CTBP1: variants seen among roughly 807,000 people sequenced by gnomAD.
CTBP1 encodes the protein C-terminal-binding protein 1.
A neutral mutation model predicts 42.1 loss-of-function variants in CTBP1; 11 were observed. The observed-to-expected ratio is 0.26, with a 90% CI of 0.16 to 0.43. The LOEUF (loss-of-function observed/expected upper bound fraction) is 0.43, where lower values mean the gene tolerates loss of function less well. Among genes scored for constraint, CTBP1 ranks in the 20% least tolerant of loss-of-function variants. The pLI, the probability that CTBP1 is intolerant of heterozygous loss-of-function variation, is 1.00. For synonymous variants in CTBP1, 324 were observed against 277.1 expected (o/e 1.17, Z -1.68); for missense variants, 399 against 624.3 (o/e 0.64, Z 3.85).
intron 1 of CTBP1, 58 bp from the exon 2 acceptor site, chr4:1,241,577 A>C: frequency 6.6e-7 from 1 of 1,505,984 alleles, no homozygotes; most frequent in Non-Finnish European, 8.9e-7. Context: ...ACCAGAACTC[A>C]CAGACTCCAG....
chr4:1,223,571 C>A (rs1027566088), intron 5 of CTBP1: 2 of 447,060 alleles, frequency 4.5e-6, no homozygotes, highest in African/African-American at 2.0e-5. Context: ...CATGGCAAGG[C>A]CCTTGCATCC....
chr4:1,214,022 G>A (rs1163492762), intron 7 of CTBP1: 6 of 428,230 alleles, frequency 1.4e-5, no homozygotes, highest in Middle Eastern at 5.9e-4. Flanking sequence ...AGGTCTGGAC[G>A]GGATGCCATG....
At position 1,212,084 on chromosome 4, in the gene CTBP1, G is replaced by T; in HGVS notation, c.*156C>A. 1 of 535,246 alleles carries T rather than the reference G, an allele frequency of 1.9e-6. No individual in the cohort carries two copies. The highest frequency in any genetic ancestry group is 3.0e-6 in the Non-Finnish European group (1 of 331,760). The allele number at this position is 535,246 out of a possible 1,614,324, so 33.2% of individuals were successfully genotyped here. A position where few individuals can be genotyped will look rare whatever the true frequency, so the allele number is the denominator to read the frequency against. ...GCCCACAGGACGGACGACGACAAGC[G>T]ACACGAGGCCCAGCGCTGCCCCCTC... On this transcript the variant is annotated 3_prime_UTR_variant, in exon 10 of 10. Transcript: ENST00000382952.
chr4:1,240,880 G>A (rs947221562), intron 2 of CTBP1, among the ~76,000 whole-genome samples: 4 of 152,194 alleles, frequency 2.6e-5, no homozygotes, highest in Non-Finnish European at 4.4e-5. Context: ...CAAGCCCAAG[G>A]CTGTTTCCGA....
chr4:1,240,008 C>T (rs1478497436), intron 2 of CTBP1, among the ~76,000 whole-genome samples: 2 of 152,238 alleles, frequency 1.3e-5, no homozygotes. Flanking sequence ...GTTTATGTTG[C>T]TGTTTCTGAG....
chr4:1,244,918 C>T (rs1732561459), intron 1 of CTBP1: 3 of 985,334 alleles, frequency 3.0e-6, no homozygotes, highest in African/African-American at 1.7e-5. Flanking sequence ...CGGAGCCTTC[C>T]AGTCCTGAGA....
chr4:1,238,045 C>T lies in CTBP1; in HGVS notation c.162+138G>A, dbSNP rs755451087. 3.7e-5 allele frequency: 43 copies of T among 1,150,242 alleles called. 1 individual carries two copies. Among genetic ancestry groups the T allele is most frequent in the South Asian group, 2.8e-4 (23 of 81,388 alleles). The allele number at this position is 1,150,242 out of a possible 1,614,324, so 71.3% of individuals were successfully genotyped here. On this transcript the variant is annotated intron_variant, in intron 3 of 9. Coordinates refer to ENST00000382952, the MANE Select transcript of CTBP1 (RefSeq NM_001012614.2). This position sits in a 1 kb window ranked among gnomAD's most constrained non-coding sequence, Gnocchi z 5.9. The stretch of plus-strand genomic sequence containing the variant: ...AAACCCCGTGTCCACCTCCTGACGG[C>T]GCGGGACGACTGGGACAGAGGCTGC...
chr4:1,227,185 C>T (rs149863509), intron 4 of CTBP1, among the ~76,000 whole-genome samples: 125 of 149,252 alleles, frequency 8.4e-4, no homozygotes, highest in African/African-American at 2.8e-3. Flanking sequence ...CGGGTGCAGA[C>T]GTGCGTGTTC....
At chr4:1,220,707 A>T (rs1179759684) in intron 5 of CTBP1, among the ~76,000 whole-genome samples, 1 of 152,252 alleles carries the variant, frequency 6.6e-6, no homozygotes, top group Non-Finnish European at 1.5e-5. Context: ...CATGTGGCCA[A>T]CTGCCTTTCC....
chr4:1,245,071 G>A (rs3775094), intron 1 of CTBP1: 450,731 of 984,754 alleles, frequency 0.46, 104,064 homozygotes, highest in South Asian at 0.48. Context: ...AGACAGACAA[G>A]GCCCGTCACC....
intron 4 of CTBP1, 101 bp downstream of exon 4, chr4:1,228,098 G>C: frequency 4.7e-6 from 7 of 1,502,692 alleles, no homozygotes; most frequent in Non-Finnish European, 5.4e-6. Flanking sequence ...CAGGCAATGT[G>C]CAACGGGGTC....
chr4:1,237,949 A>G, intron 3 of CTBP1: 1 of 671,562 alleles, frequency 1.5e-6, no homozygotes, highest in Non-Finnish European at 2.7e-6. Context: ...GGGCACAGGG[A>G]AAACCCCGTG....
intron 2 of CTBP1, among the ~76,000 whole-genome samples, chr4:1,240,917 G>A (rs73793162): frequency 0.031 from 4,782 of 152,256 alleles, 259 homozygotes; most frequent in African/African-American, 0.11. Flanking sequence ...GCCAGAGAGC[G>A]CAGACCAACC....
At chr4:1,243,107 A>C (rs2108799795) in intron 1 of CTBP1, 1 of 985,450 alleles carries the variant, frequency 1.0e-6, no homozygotes, top group Middle Eastern at 5.2e-4. Flanking sequence ...ACGGTGGCCC[A>C]GTACCGGCTG....
At chr4:1,216,906 G>C (rs1729185622) in intron 5 of CTBP1, 1 of 153,922 alleles carries the variant, frequency 6.5e-6, no homozygotes, top group African/African-American at 2.4e-5. Flanking sequence ...TGGCTGCAAA[G>C]GACACAGGAC....
chr4:1,228,835 C>T (rs1382497688), intron 3 of CTBP1, among the ~76,000 whole-genome samples: 5 of 152,162 alleles, frequency 3.3e-5, no homozygotes, highest in South Asian at 2.1e-4. Context: ...TAAGTCCCCG[C>T]GGCACACAAG....
intron 1 of CTBP1, among the ~76,000 whole-genome samples, chr4:1,247,323 G>A (rs1732818911): frequency 6.6e-6 from 1 of 152,192 alleles, no homozygotes; most frequent in South Asian, 2.1e-4. Context: ...CCAGAGCTCT[G>A]CAGAGGACGC....
At chr4:1,213,280 A>T (rs918163017) in intron 8 of CTBP1, among the ~76,000 whole-genome samples, 198 bp downstream of exon 8, 2 of 152,046 alleles carry the variant, frequency 1.3e-5, no homozygotes, top group Non-Finnish European at 2.9e-5. Context: ...ACTTCCCAGC[A>T]GGTCCTGTGT....
At chr4:1,229,219 TAGGCCGAAGAACC>T (rs1730709121) in intron 3 of CTBP1, among the ~76,000 whole-genome samples, 1 of 152,162 alleles carries the variant, frequency 6.6e-6, no homozygotes, top group Non-Finnish European at 1.5e-5. Flanking sequence ...GGAAGTGCCC[TAGGCCGAAGAACC>T]AGGTGCAGCA....
Sources: allele counts gnomAD v4.1 joint callset (sites outside exome capture counted in the v4.1 genomes callset), GRCh38; gene constraint gnomAD v4.1.1; non-coding constraint Gnocchi (gnomAD v3.1); transcripts MANE v1.5; gene names NCBI Gene and HGNC (gene_info 2026-07-23, HGNC 2026-07-21).